Variants in KIF6 observed in about 807,000 individuals in gnomAD.
KIF6 encodes kinesin-like protein KIF6.
In KIF6, 106 loss-of-function variants were observed where a neutral mutation model predicts 112.7. The ratio of observed to expected loss-of-function variants is 0.94; its 90% confidence interval spans 0.80 to 1.11. The LOEUF (loss-of-function observed/expected upper bound fraction) is 1.11, where lower values mean the gene tolerates loss of function less well. Among genes scored for constraint, KIF6 ranks in the 50% least tolerant of loss-of-function variants. The probability of loss-of-function intolerance (pLI) is 0.00; values close to 1 mark genes in which losing one functional copy is unlikely to be tolerated. For synonymous variants in KIF6, 339 were observed against 339.9 expected (o/e 1.00, Z 0.03); for missense variants, 929 against 964.0 (o/e 0.96, Z 0.48).
chr6:39,490,017 G>C (rs889601104), intron 13 of KIF6, among the ~76,000 whole-genome samples: 1 of 152,238 alleles, frequency 6.6e-6, no homozygotes. Flanking sequence ...AAATGTGCAT[G>C]CTCATAGGAC....
intron 6 of KIF6, among the ~76,000 whole-genome samples, chr6:39,605,421 C>T (rs1228522544): frequency 6.6e-6 from 1 of 151,936 alleles, no homozygotes; most frequent in African/African-American, 2.4e-5. Flanking sequence ...AACTAACAAT[C>T]CTAAGAATTT....
chr6:39,509,796 G>A, intron 13 of KIF6, among the ~76,000 whole-genome samples: 1 of 152,200 alleles, frequency 6.6e-6, no homozygotes, highest in East Asian at 1.9e-4. Flanking sequence ...AACCAAGTTA[G>A]AAAACACTCT....
At chr6:39,674,937 T>C (rs1457951093) in intron 3 of KIF6, among the ~76,000 whole-genome samples, 2 of 151,622 alleles carry the variant, frequency 1.3e-5, no homozygotes, top group African/African-American at 2.4e-5. Flanking sequence ...ACAAACAAAT[T>C]AATTGCATTA....
chr6:39,368,581 G>A (rs1476795328), intron 16 of KIF6, among the ~76,000 whole-genome samples: 1 of 152,190 alleles, frequency 6.6e-6, no homozygotes, highest in Non-Finnish European at 1.5e-5. Flanking sequence ...GACAGTCTTA[G>A]TGTCTTCCCC....
intron 19 of KIF6, among the ~76,000 whole-genome samples, chr6:39,347,606 G>A (rs1228456871): frequency 1.3e-5 from 2 of 152,222 alleles, no homozygotes; most frequent in Non-Finnish European, 2.9e-5. Flanking sequence ...AGCTGGAAGA[G>A]GCCTAAGAAG....
chr6:39,337,937 G>C (rs1763121546), intron 22 of KIF6, among the ~76,000 whole-genome samples: 1 of 152,204 alleles, frequency 6.6e-6, no homozygotes, highest in Non-Finnish European at 1.5e-5. Context: ...CCATGGACCA[G>C]CAGTGCTGGC....
At chr6:39,409,982 C>T (rs184448769) in intron 15 of KIF6, among the ~76,000 whole-genome samples, 3 of 152,328 alleles carry the variant, frequency 2.0e-5, no homozygotes, top group East Asian at 3.8e-4. Flanking sequence ...AGAAGTGAAA[C>T]AACAAATTAC....
intron 6 of KIF6, among the ~76,000 whole-genome samples, chr6:39,600,444 T>A (rs189901480): frequency 9.2e-5 from 14 of 152,282 alleles, no homozygotes; most frequent in African/African-American, 2.9e-4. Context: ...AGCCACAATG[T>A]GTGAAATGAG....
chr6:39,706,373 G>C (rs189183096), intron 3 of KIF6, among the ~76,000 whole-genome samples: 1 of 152,236 alleles, frequency 6.6e-6, no homozygotes, highest in East Asian at 1.9e-4. Context: ...ATCAACTGCT[G>C]TTGTTTTATT....
At chr6:39,481,478 C>G (rs1414752942) in intron 13 of KIF6, among the ~76,000 whole-genome samples, 1 of 152,152 alleles carries the variant, frequency 6.6e-6, no homozygotes, top group Non-Finnish European at 1.5e-5. Context: ...ATTTAAAACT[C>G]CTTCAGGGAT....
At chr6:39,367,429 G>A (rs1316871662) in intron 16 of KIF6, among the ~76,000 whole-genome samples, 1 of 152,198 alleles carries the variant, frequency 6.6e-6, no homozygotes, top group African/African-American at 2.4e-5. Context: ...ACAGTGCCGA[G>A]TGGCCTGCGA....
chr6:39,578,329 A>ATT (rs35778593), intron 9 of KIF6, among the ~76,000 whole-genome samples, 170 bp from the exon 10 acceptor site: 13,259 of 125,100 alleles, frequency 0.11, 1,053 homozygotes, highest in South Asian at 0.17. Context: ...ATAGTTCTAG[A>ATT]TTTTTTTTTT....
At chr6:39,581,601 CTA>C (rs1781299560) in intron 9 of KIF6, among the ~76,000 whole-genome samples, 1 of 151,934 alleles carries the variant, frequency 6.6e-6, no homozygotes, top group South Asian at 2.1e-4. Context: ...TTTGTTTTAC[CTA>C]TAGTCCATTT....
intron 15 of KIF6, among the ~76,000 whole-genome samples, chr6:39,417,177 C>T (rs1483468133): frequency 1.3e-5 from 2 of 152,206 alleles, no homozygotes; most frequent in Non-Finnish European, 2.9e-5. Flanking sequence ...CCTTCCTCCT[C>T]CTTAGTCCTA....
intron 5 of KIF6, among the ~76,000 whole-genome samples, chr6:39,617,152 C>G (rs1201392345): frequency 6.6e-6 from 1 of 152,148 alleles, no homozygotes; most frequent in Non-Finnish European, 1.5e-5. Flanking sequence ...AGAAAAGTCA[C>G]TGATAGCCTT....
In KIF6 at chr6:39,339,468, AGCTGGAGGGTTTCTCTGAGTGGG is replaced by A. The variant is rs548713964; in HGVS notation, c.2429-2943_2429-2921del. Among the ~76,000 whole-genome samples the A allele has an allele frequency of 2.6e-4, 40 of 151,920 alleles. No individual in the cohort carries two copies. The South Asian group carries it at 7.5e-3, about 29-fold the overall frequency. On this transcript the variant is annotated intron_variant, in intron 22 of 22. Coordinates refer to ENST00000287152, the MANE Select transcript of KIF6 (RefSeq NM_145027.6). ...GGGAGGGTTTCTGAACACAGAAGAG[AGCTGGAGGGTTTCTCTGAGTGGG>A]GCTGGAGGGCTGGGAGAGGCAGGAC... is the stretch of plus-strand genomic sequence containing the variant.
intron 13 of KIF6, among the ~76,000 whole-genome samples, chr6:39,449,319 T>C (rs1444360906): frequency 6.6e-6 from 1 of 152,224 alleles, no homozygotes; most frequent in Non-Finnish European, 1.5e-5. Flanking sequence ...CCTGGCGTCA[T>C]CTGGTCCCTG....
intron 13 of KIF6, among the ~76,000 whole-genome samples, chr6:39,510,606 G>T (rs1776718209): frequency 6.6e-6 from 1 of 152,128 alleles, no homozygotes; most frequent in African/African-American, 2.4e-5. Flanking sequence ...CAGATTTAAA[G>T]ATCATCGACG....
intron 10 of KIF6, among the ~76,000 whole-genome samples, chr6:39,546,471 C>G (rs1282166740): frequency 6.6e-6 from 1 of 152,078 alleles, no homozygotes; most frequent in Non-Finnish European, 1.5e-5. Flanking sequence ...TATCCTAAAA[C>G]AAAATGAAAT....
Sources: allele counts gnomAD v4.1 joint callset (sites outside exome capture counted in the v4.1 genomes callset), GRCh38; gene constraint gnomAD v4.1.1; transcripts MANE v1.5; gene names NCBI Gene and HGNC (gene_info 2026-07-23, HGNC 2026-07-21).